ABHD10: variants seen among roughly 807,000 people sequenced by gnomAD.
The protein encoded by ABHD10 is palmitoyl-protein thioesterase ABHD10, mitochondrial.
In ABHD10, 22 loss-of-function variants were observed where a neutral mutation model predicts 33.1. The ratio of observed to expected loss-of-function variants is 0.66; its 90% CI spans 0.47 to 0.95. The LOEUF (loss-of-function observed/expected upper bound fraction) is 0.95, where lower values mean the gene tolerates loss of function less well. ABHD10 is among the 40% of genes least tolerant of loss of function. The pLI is 0.00. For synonymous variants in ABHD10, 146 were observed against 133.9 expected, an observed-to-expected ratio of 1.09 and a Z score of -0.62; for missense variants, 352 against 379.9, an observed-to-expected ratio of 0.93 and a Z score of 0.61.
intron 4 of ABHD10, among the ~76,000 whole-genome samples, chr3:111,990,066 T>C (rs55776969): frequency 0.18 from 26,590 of 151,938 alleles, 2,650 homozygotes; most frequent in Middle Eastern, 0.24. Context: ...AGAAATGCCC[T>C]TAATATTATA....
intron 1 of ABHD10, among the ~76,000 whole-genome samples, chr3:111,979,897 G>A (rs962842380): frequency 6.6e-6 from 1 of 152,226 alleles, no homozygotes; most frequent in Admixed American, 6.5e-5. Context: ...TTTGTATGGA[G>A]ATTTTTGTAT....
At chr3:111,980,913 T>C (rs551549214) in intron 1 of ABHD10, among the ~76,000 whole-genome samples, 74 of 151,782 alleles carry the variant, frequency 4.9e-4, no homozygotes, top group African/African-American at 8.7e-4. Flanking sequence ...GGTGGGCGGG[T>C]GGATGGGAGT....
rs1356391877 is a variant in ABHD10 at position 111,993,123 on chromosome 3, C to CA, written c.*1403dup. The CA allele has an allele frequency of 6.6e-6, 1 of 152,146 alleles. No individual in the cohort carries two copies. The highest frequency in any genetic ancestry group is 2.4e-5 in the African/African-American group (1 of 41,420). The allele number at this position is 152,146 out of a possible 1,614,324, so 9.4% of individuals were successfully genotyped here. On this transcript the variant is annotated 3_prime_UTR_variant, in exon 5 of 5. Transcript: ENST00000273359. ...GCCAGGCAGAGACTACCTTTGTGAC[C>CA]AGCTCCCAGTAAAAACCCCAGGCAC...
chr3:111,982,460 T>G (rs983743936), intron 2 of ABHD10: 2 of 152,216 alleles, frequency 1.3e-5, no homozygotes, highest in African/African-American at 4.8e-5. Context: ...CAAGCTTGAT[T>G]TTATAATTCC....
At chr3:111,988,493 A>G (rs1388434399) in intron 4 of ABHD10, among the ~76,000 whole-genome samples, 3 of 152,118 alleles carry the variant, frequency 2.0e-5, no homozygotes, top group Non-Finnish European at 4.4e-5. Flanking sequence ...TCTCAAAGAC[A>G]TAGCAGATTG....
Position 111,991,803 on chromosome 3 carries a change from A to G in ABHD10, c.*82A>G. On this transcript the variant is annotated 3_prime_UTR_variant, in exon 5 of 5. Coordinates refer to ENST00000273359, the MANE Select transcript of ABHD10 (RefSeq NM_018394.4). ...AAGAAATGAAAGATCCTGATACTTT[A>G]GGTTTTTCCCTTTCCTCTATTTTGT... 8.9e-7 allele frequency: 1 copy of G among 1,127,094 alleles called. No individual in the cohort carries two copies. 69.8% of individuals were successfully genotyped at this position (1,127,094 alleles called of 1,614,324 possible).
intron 3 of ABHD10, 22 bp downstream of exon 3, chr3:111,986,397 A>T (rs2072662125): frequency 6.6e-7 from 1 of 1,513,278 alleles, no homozygotes; most frequent in African/African-American, 1.4e-5. Flanking sequence ...GTTAAGTATG[A>T]TGATAATTAC....
At chr3:111,991,226 G>A (rs889835696) in intron 4 of ABHD10, 151 bp from the exon 5 acceptor site, 7 of 631,726 alleles carry the variant, frequency 1.1e-5, no homozygotes, top group South Asian at 2.1e-5. Flanking sequence ...TACCTTGCAT[G>A]TAGTAATTAT....
At chr3:111,984,146 C>A (rs1390574245) in intron 2 of ABHD10, among the ~76,000 whole-genome samples, 4 of 152,110 alleles carry the variant, frequency 2.6e-5, no homozygotes, top group Non-Finnish European at 4.4e-5. Context: ...TAGTTGGTGT[C>A]TTTCCCCCTT....
At chr3:111,989,211 C>G (rs774749) in intron 4 of ABHD10, among the ~76,000 whole-genome samples, 136,828 of 152,242 alleles carry the variant, frequency 0.9, 61,649 homozygotes, top group Middle Eastern at 0.93. Flanking sequence ...CATTTCTTCT[C>G]TAAGAACTTG....
Position 111,981,330 on chromosome 3 carries a change from A to AAAAG in ABHD10, c.143-446_143-443dup, listed in dbSNP as rs1553757988. Among the ~76,000 whole-genome samples the AAAAG allele has an allele frequency of 6.4e-3, 869 of 136,026 alleles. 21 individuals are homozygous for AAAAG. Among genetic ancestry groups the AAAAG allele is most frequent in the Non-Finnish European group, 8.2e-3 (531 of 64,404 alleles). The allele number at this position is 136,026 out of a possible 152,430, so 89.2% of individuals were successfully genotyped here. A position where few individuals can be genotyped will look rare whatever the true frequency, so the allele number is the denominator to read the frequency against. ...CTGTCTCAAAAAAAAAAAAAAAAAA[A>AAAAG]AAAGAAAGAAAATAAGGGATGTGAA... On this transcript the variant is annotated intron_variant, in intron 1 of 4. Transcript: ENST00000273359.
Position 111,979,033 on chromosome 3 carries a change from C to T in ABHD10, c.-29C>T. 3 of 1,602,216 alleles carry T rather than the reference C, an allele frequency of 1.9e-6. No homozygotes were observed. The highest frequency in any genetic ancestry group is 2.6e-6 in the Non-Finnish European group (3 of 1,172,918). Reference sequence around the variant, plus strand: ...TTGCGTAGCGTGTCCCTCAGTGGGACACTGCAGGGTGCGGGGACAACTACG... The same window carrying T: ...TTGCGTAGCGTGTCCCTCAGTGGGATACTGCAGGGTGCGGGGACAACTACG... On this transcript the variant is annotated 5_prime_UTR_variant, in exon 1 of 5. Transcript: ENST00000273359.
In ABHD10 at chr3:111,991,447, A is replaced by G. The variant is rs2072738044; in HGVS notation, c.647A>G (p.Asn216Ser). The G allele has an allele frequency of 6.2e-7, 1 of 1,613,804 alleles. No homozygotes were observed. Among genetic ancestry groups the G allele is most frequent in the South Asian group, 1.1e-5 (1 of 91,028 alleles). The change falls in exon 5 of 5, where the codon AAC becomes AGC. Residue 216 changes from asparagine to serine, a missense_variant. Coordinates refer to ENST00000273359, the MANE Select transcript of ABHD10 (RefSeq NM_018394.4). ...PSKYSEEGVY[N>S]VQYSFIKEAE... ...AAATACTCTGAAGAAGGAGTTTATA[A>G]CGTTCAGTACAGTTTCATTAAAGAA... is the stretch of plus-strand genomic sequence containing the variant.
chr3:111,986,425 G>C (rs1200969585), intron 3 of ABHD10, 50 bp downstream of exon 3: 3 of 894,250 alleles, frequency 3.4e-6, no homozygotes, highest in East Asian at 5.0e-5. Flanking sequence ...TCGTATTTAA[G>C]CTGTTTGTTT....
Position 111,991,416 on chromosome 3 carries a change from C to T in ABHD10, c.616C>T (p.Pro206Ser), listed in dbSNP as rs2072737550. The change falls in exon 5 of 5, where the codon CCA (proline) becomes TCA (serine). Residue 206 changes from proline to serine, a missense_variant. By Grantham distance (74) the Pro-to-Ser change is moderately conservative (BLOSUM62 -1). Transcript: ENST00000273359. ...EVEMKGVWSM[P>S]SKYSEEGVYN... ...AGAGATGAAAGGTGTGTGGAGCATG[C>T]CATCAAAATACTCTGAAGAAGGAGT... 1 of 1,612,592 alleles carries T rather than the reference C, an allele frequency of 6.2e-7. No homozygotes were observed. Among genetic ancestry groups the T allele is most frequent in the Non-Finnish European group, 8.5e-7 (1 of 1,179,630 alleles).
intron 1 of ABHD10, among the ~76,000 whole-genome samples, chr3:111,980,419 CA>C (rs2072567501): frequency 2.0e-5 from 3 of 152,140 alleles, no homozygotes; most frequent in South Asian, 4.1e-4. Context: ...AAAACTTTAG[CA>C]GCACACATGG....
intron 4 of ABHD10, among the ~76,000 whole-genome samples, chr3:111,988,494 T>C (rs2072700071): frequency 6.6e-6 from 1 of 152,174 alleles, no homozygotes; most frequent in Admixed American, 6.5e-5. Context: ...CTCAAAGACA[T>C]AGCAGATTGA....
At chr3:111,982,792 ACATT>A (rs1427453439) in intron 2 of ABHD10, among the ~76,000 whole-genome samples, 2 of 152,170 alleles carry the variant, frequency 1.3e-5, no homozygotes, top group African/African-American at 2.4e-5. Flanking sequence ...TGACTCACAA[ACATT>A]CATTCAATAA....
In ABHD10 at chr3:111,987,014, A is replaced by T; in HGVS notation, c.539A>T (p.Asp180Val). The T allele has an allele frequency of 6.2e-7, 1 of 1,613,044 alleles. No homozygotes were observed. The highest frequency in any genetic ancestry group is 8.5e-7 in the Non-Finnish European group (1 of 1,179,814). ...VALIGVATAA[D>V]TLVTKFNQLP... ...CTTATTGGTGTAGCTACAGCTGCAG[A>T]TACCTTAGTGACAAAGTTTAATCAG... The change falls in exon 4 of 5, where the codon GAT becomes GTT. Residue 180 changes from aspartate (D) to valine (V), a missense_variant. Transcript: ENST00000273359.
Sources: gnomAD v4.1 joint callset for allele counts (sites outside exome capture counted in the v4.1 genomes callset) on GRCh38, gnomAD v4.1.1 for gene constraint, MANE v1.5 for transcripts, NCBI Gene and HGNC (gene_info 2026-07-23, HGNC 2026-07-21) for gene names.